Variants in ZNF75D observed in about 807,000 individuals in gnomAD.
ZNF75D encodes the protein zinc finger protein 75D, also known as zinc finger protein 75.
Under a neutral mutation model 33.3 loss-of-function variants are expected in ZNF75D, and 33 were observed. The observed-to-expected ratio is 0.99, with a 90% confidence interval of 0.75 to 1.32. The LOEUF (loss-of-function observed/expected upper bound fraction) is 1.32, where lower values mean the gene tolerates loss of function less well. ZNF75D is among the 40% of genes most tolerant of loss of function. ZNF75D has a pLI of 0.00. For missense variants in ZNF75D, 338 were observed against 367.5 expected (o/e 0.92, Z 0.66); for synonymous variants, 113 against 130.6 (o/e 0.87, Z 0.92).
At chrX:135,264,406 C>G (rs1262605540) in intron 1 of ZNF75D, among the ~76,000 whole-genome samples, 1 of 111,467 alleles carries the variant, frequency 9.0e-6, no homozygotes, top group Non-Finnish European at 1.9e-5. Flanking sequence ...TAAATGCCTT[C>G]CCCAGAAGGA....
chrX:135,294,469 A>C (rs1224807025), intron 2 of ZNF75D, among the ~76,000 whole-genome samples: 1 of 111,632 alleles, frequency 9.0e-6, no homozygotes, highest in Non-Finnish European at 1.9e-5. Context: ...GAAACAAAGC[A>C]CAGCTAAGAG....
intron 1 of ZNF75D, chrX:135,297,199 G>A (rs995318814): frequency 3.6e-5 from 4 of 111,997 alleles, no homozygotes; most frequent in African/African-American, 1.3e-4. Context: ...CCAAAGAGAT[G>A]TCTGCATGTC....
At chrX:135,298,865 T>C (rs1439411774) in intron 1 of ZNF75D, among the ~76,000 whole-genome samples, 1 of 112,140 alleles carries the variant, frequency 8.9e-6, no homozygotes, top group African/African-American at 3.2e-5. Context: ...GGATATTTCA[T>C]ATAAATGGAA....
chrX:135,330,511 C>G (rs982697599), intron 1 of ZNF75D: 1 of 111,615 alleles, frequency 9.0e-6, no homozygotes, highest in African/African-American at 3.3e-5. Flanking sequence ...TCCAACATGT[C>G]CCCCAACAAT....
At chrX:135,284,776 G>A (rs1362230020), downstream of ZNF75D, among the ~76,000 whole-genome samples, 1 of 111,843 alleles carries the variant, frequency 8.9e-6, no homozygotes, top group African/African-American at 3.2e-5. Context: ...TTATAACAGG[G>A]GTAAGCAGCT....
At chrX:135,258,138 G>A (rs1409534775) in intron 1 of ZNF75D, among the ~76,000 whole-genome samples, 5 of 100,874 alleles carry the variant, frequency 5.0e-5, no homozygotes, top group Non-Finnish European at 1.1e-4. Flanking sequence ...CAAAGGACAT[G>A]AACTCATCAT....
Position 135,291,552 on chromosome X carries a change from G to A in ZNF75D, c.616C>T (p.Gln206Ter). 1 of 1,208,586 alleles carries A rather than the reference G, an allele frequency of 8.3e-7. No homozygotes were observed. Among genetic ancestry groups the A allele is most frequent in the Non-Finnish European group, 1.1e-6 (1 of 892,541 alleles). ...QPVYERAVHDQQMLALSEQKR... is the reference protein window; with the variant it reads ...QPVYERAVHD Reference sequence around the variant, plus strand: ...TGCTCAGAAAGGGCTAACATCTGTTGATCATGCACAGCTGTGGGTAGAAAA... The same window carrying A: ...TGCTCAGAAAGGGCTAACATCTGTTAATCATGCACAGCTGTGGGTAGAAAA... Residue 206 changes from glutamine to a stop codon, truncating the protein, a stop_gained, in exon 5 of 7, where the codon CAA becomes TAA. Coordinates refer to ENST00000370766, the MANE Select transcript of ZNF75D (RefSeq NM_007131.5). LOFTEE classifies it high-confidence loss of function.
rs1602603513 is a variant in ZNF75D at position 135,290,869 on chromosome X, C to T, written c.823+140G>A. The T allele has an allele frequency of 1.6e-5, 9 of 573,811 alleles. No individual in the cohort carries two copies. The East Asian group carries it at 3.3e-4, about 21-fold the overall frequency. 47.3% of individuals were successfully genotyped at this position (573,811 alleles called of 1,213,427 possible). A position where few individuals can be genotyped will look rare whatever the true frequency, so the allele number is the denominator to read the frequency against. ...GCTCTCCAGGGGATCCTGATAATCC[C>T]TTTATTTCCCATACATCATCAAGTT... On this transcript the variant is annotated intron_variant, in intron 6 of 6. Transcript: ENST00000370766.
chrX:135,339,622 G>A (rs1207682691), intron 1 of ZNF75D, among the ~76,000 whole-genome samples: 1 of 111,635 alleles, frequency 9.0e-6, no homozygotes, highest in African/African-American at 3.3e-5. Flanking sequence ...CTCCCTCCAG[G>A]GTCGCTGCAT....
At chrX:135,324,638 A>G (rs1287735321) in intron 1 of ZNF75D, among the ~76,000 whole-genome samples, 1 of 112,498 alleles carries the variant, frequency 8.9e-6, no homozygotes, top group Non-Finnish European at 1.9e-5. Flanking sequence ...GTGTGTCGGT[A>G]GGCTATTGGA....
rs782482849 is a variant in ZNF75D at position 135,322,799 on chromosome X, C to T, written c.-391+18969G>A. On this transcript the variant is annotated intron_variant, in intron 1 of 6. Transcript: ENST00000370766. ...CTATGAGATAGGGCAATGGGGACTA[C>T]GGCCATAGAAAATTAGGCAATGTAA... 7.1e-5 allele frequency among the ~76,000 whole-genome samples: 8 copies of T among 111,994 alleles called. No homozygotes were observed. In the East Asian group the frequency reaches 8.4e-4, roughly 12 times the overall value.
intron 1 of ZNF75D, among the ~76,000 whole-genome samples, chrX:135,275,171 T>A (rs1275753292): frequency 8.9e-6 from 1 of 112,504 alleles, no homozygotes; most frequent in African/African-American, 3.2e-5. Flanking sequence ...ATTGGCGAAT[T>A]AACATTTTCA....
intron 1 of ZNF75D, among the ~76,000 whole-genome samples, chrX:135,263,009 C>T (rs2083848934): frequency 8.9e-6 from 1 of 112,304 alleles, no homozygotes; most frequent in South Asian, 3.7e-4. Context: ...AATGTTGTTG[C>T]TTTTCCTTTC....
chrX:135,313,856 T>A, intron 1 of ZNF75D, among the ~76,000 whole-genome samples: 1 of 112,380 alleles, frequency 8.9e-6, no homozygotes, highest in Non-Finnish European at 1.9e-5. Flanking sequence ...TGCAACTTTA[T>A]CACATTTGTT....
intron 1 of ZNF75D, among the ~76,000 whole-genome samples, chrX:135,269,314 A>G (rs1260961557): frequency 8.9e-6 from 1 of 112,030 alleles, no homozygotes; most frequent in Non-Finnish European, 1.9e-5. Context: ...GGAAGAGACA[A>G]CTCACAGAGT....
chrX:135,265,580 AG>A (rs2083860185), intron 1 of ZNF75D, among the ~76,000 whole-genome samples: 1 of 112,284 alleles, frequency 8.9e-6, no homozygotes, highest in South Asian at 3.7e-4. Context: ...AAGGAAATAA[AG>A]TTTTACCCTA....
intron 1 of ZNF75D, among the ~76,000 whole-genome samples, chrX:135,280,134 C>A (rs2083914729): frequency 9.0e-6 from 1 of 111,487 alleles, no homozygotes. Flanking sequence ...CTTTGTAAGT[C>A]TCTAAGAACT....
chrX:135,273,359 CAT>C (rs1477770027), intron 1 of ZNF75D, among the ~76,000 whole-genome samples: 2 of 111,456 alleles, frequency 1.8e-5, no homozygotes, highest in East Asian at 2.8e-4. Flanking sequence ...CGAACTCACA[CAT>C]GTTTCAGGTA....
intron 1 of ZNF75D, among the ~76,000 whole-genome samples, chrX:135,270,041 CA>C (rs2083876696): frequency 9.2e-6 from 1 of 109,193 alleles, no homozygotes; most frequent in East Asian, 2.8e-4. Flanking sequence ...GTCTAAAAAT[CA>C]AAACAATTGA....
Sources: gnomAD v4.1 joint callset for allele counts (sites outside exome capture counted in the v4.1 genomes callset) on GRCh38, gnomAD v4.1.1 for gene constraint, MANE v1.5 for transcripts, NCBI Gene and HGNC (gene_info 2026-07-23, HGNC 2026-07-21) for gene names.